The following HERC2 variants were observed in gnomAD, a reference collection of about 807,000 sequenced individuals.
HERC2 encodes the protein HECT and RLD domain containing E3 ubiquitin protein ligase 2.
In HERC2, 102 loss-of-function variants were observed where a neutral mutation model predicts 537.7. The observed-to-expected ratio is 0.19, with a 90% CI of 0.16 to 0.22. The LOEUF (loss-of-function observed/expected upper bound fraction) is 0.22. Ranked by LOEUF, HERC2 falls within the 10% of genes least tolerant of loss-of-function variation. The pLI, the probability that HERC2 is intolerant of heterozygous loss-of-function variation, is 1.00. For missense variants in HERC2, 4,236 were observed against 6,198.2 expected (o/e 0.68, Z 10.63); for synonymous variants, 2,224 against 2,466.2 (o/e 0.90, Z 2.91).
At position 28,218,540 on chromosome 15, in the gene HERC2, A is replaced by G. The variant is rs773784858; in HGVS notation, c.5977T>C (p.Leu1993=). 7 of 1,597,474 alleles carry G rather than the reference A, an allele frequency of 4.4e-6. No homozygotes were observed. The East Asian group carries it at 1.6e-4, about 36-fold the overall frequency. ...ACTAACATTCGCAGCAGTCCGCATA[A>G]AGTCTTGGTGGCTTCGCTCTGCATG... ...EIMQSEATKT[L]CGLLRMLVES... is the part of the protein sequence containing the mutation. The change falls in exon 38 of 93, where the codon TTA becomes CTA. Residue 1993 remains leucine (L), a synonymous_variant. Transcript: ENST00000261609.
At chr15:28,269,529 G>C (rs2075662253) in intron 10 of HERC2, 93 bp from the exon 11 acceptor site, 4 of 998,328 alleles carry the variant, frequency 4.0e-6, no homozygotes, top group South Asian at 3.3e-5. Context: ...TAAAAACAAA[G>C]CAAATAAAGA....
intron 2 of HERC2, among the ~76,000 whole-genome samples, 177 bp downstream of exon 2, chr15:28,321,185 G>C (rs2077218792): frequency 6.6e-6 from 1 of 152,078 alleles, no homozygotes; most frequent in Non-Finnish European, 1.5e-5. Context: ...AGCCGCGCAC[G>C]ATCTACAAAA....
intron 2 of HERC2, 73 bp from the exon 3 acceptor site, chr15:28,299,589 A>G (rs1408147305): frequency 2.6e-5 from 20 of 775,746 alleles, no homozygotes; most frequent in Non-Finnish European, 4.3e-5. Flanking sequence ...ATGATATGGG[A>G]AAAAAATCTC....
At chr15:28,224,991 G>A (rs533868076) in intron 35 of HERC2, among the ~76,000 whole-genome samples, 5 of 152,342 alleles carry the variant, frequency 3.3e-5, no homozygotes, top group Admixed American at 2.6e-4. Context: ...CCAAAAGCAG[G>A]GATGAAGGGG....
chr15:28,286,771 A>G (rs2076168803), intron 4 of HERC2, among the ~76,000 whole-genome samples: 1 of 152,162 alleles, frequency 6.6e-6, no homozygotes, highest in Admixed American at 6.5e-5. Flanking sequence ...ACAACACCCA[A>G]TGGCCAGCAA....
chr15:28,165,613 A>C (rs1334734929), intron 68 of HERC2, among the ~76,000 whole-genome samples: 1 of 151,760 alleles, frequency 6.6e-6, no homozygotes, highest in Non-Finnish European at 1.5e-5. Flanking sequence ...GCAACATGGC[A>C]AAACCTATCT....
chr15:28,177,299 T>A lies in HERC2; in HGVS notation c.9254+120A>T, dbSNP rs1895382478. 2 of 1,273,894 alleles carry A rather than the reference T, an allele frequency of 1.6e-6. No individual in the cohort carries two copies. Among genetic ancestry groups the A allele is most frequent in the South Asian group, 1.4e-5 (1 of 71,676 alleles). The allele number at this position is 1,273,894 out of a possible 1,614,324, so 78.9% of individuals were successfully genotyped here. On this transcript the variant is annotated intron_variant, in intron 60 of 92. Transcript: ENST00000261609. This position sits in a 1 kb window ranked among gnomAD's most constrained non-coding sequence, Gnocchi z 5.0. ...AACACAAACAACCGTGTTAAAAAAA[T>A]TTTGTTTAAGAACCATTTCTATAAT...
At chr15:28,263,302 T>G in intron 14 of HERC2, 133 bp from the exon 15 acceptor site, 1 of 952,660 alleles carries the variant, frequency 1.0e-6, no homozygotes, top group Non-Finnish European at 1.5e-6. Flanking sequence ...ACTACAAGGG[T>G]GGCTACTGAG....
At chr15:28,119,399 C>CAAAAAAA (rs201078187) in intron 86 of HERC2, among the ~76,000 whole-genome samples, 6 of 133,928 alleles carry the variant, frequency 4.5e-5, no homozygotes, top group African/African-American at 1.4e-4. Context: ...GACTCCCTCT[C>CAAAAAAA]AAAAAAAAAA....
chr15:28,283,237 C>G (rs1438137763), intron 4 of HERC2, among the ~76,000 whole-genome samples: 3 of 151,378 alleles, frequency 2.0e-5, no homozygotes, highest in African/African-American at 7.3e-5. Flanking sequence ...CAGGATGAAC[C>G]CAAAGAAATC....
At chr15:28,212,038 G>C (rs916799892) in intron 43 of HERC2, among the ~76,000 whole-genome samples, 1 of 152,208 alleles carries the variant, frequency 6.6e-6, no homozygotes, top group Non-Finnish European at 1.5e-5. Context: ...CATCCTGAAT[G>C]TCACAGGCAA....
Position 28,111,506 on chromosome 15 carries a change from A to T in HERC2, c.*257T>A, listed in dbSNP as rs1887641182. 1 of 499,036 alleles carries T rather than the reference A, an allele frequency of 2.0e-6. No individual in the cohort carries two copies. The highest frequency in any genetic ancestry group is 3.5e-6 in the Non-Finnish European group (1 of 284,458). 30.9% of individuals were successfully genotyped at this position (499,036 alleles called of 1,614,324 possible). A position where few individuals can be genotyped will look rare whatever the true frequency, so the allele number is the denominator to read the frequency against. ...ATATAAACATTTACACACTTTAGTA[A>T]ACACAGTCCTACATGTAATGCAGCA... is the stretch of plus-strand genomic sequence containing the variant. On this transcript the variant is annotated 3_prime_UTR_variant, in exon 93 of 93. Transcript: ENST00000261609.
Position 28,124,705 on chromosome 15 carries a change from G to A in HERC2, c.12990+301C>T, listed in dbSNP as rs562738648. 4.6e-5 allele frequency among the ~76,000 whole-genome samples: 7 copies of A among 152,296 alleles called. No homozygotes were observed. The South Asian group carries it at 1.4e-3, about 32-fold the overall frequency. On this transcript the variant is annotated intron_variant, in intron 84 of 92. Coordinates refer to ENST00000261609, the MANE Select transcript of HERC2 (RefSeq NM_004667.6). ...CTCCCAGGTAGCTGGGACTACAGGT[G>A]CATGCCACTATGCCTGACTAATTTT...
chr15:28,210,669 G>A (rs1297345323), intron 44 of HERC2, among the ~76,000 whole-genome samples: 2 of 151,868 alleles, frequency 1.3e-5, no homozygotes, highest in Non-Finnish European at 2.9e-5. Context: ...TTACAATACA[G>A]GCTCTATTTC....
rs1207147912 is a variant in HERC2, at chr15:28,167,547, G to A, written c.10554+140C>T. On this transcript the variant is annotated intron_variant, in intron 68 of 92. Transcript: ENST00000261609. ...CGTGTCCTGCGGCATTCCCACAAAC[G>A]CTTCGAAGATGCTAACAAGTGGACA... 1.8e-5 allele frequency: 17 copies of A among 947,930 alleles called. 1 individual carries two copies. The highest frequency in any genetic ancestry group is 1.5e-4 in the South Asian group (10 of 66,558). 58.7% of individuals were successfully genotyped at this position (947,930 alleles called of 1,614,324 possible).
chr15:28,157,030 G>A (rs1893082384), intron 69 of HERC2, among the ~76,000 whole-genome samples: 1 of 152,316 alleles, frequency 6.6e-6, no homozygotes, highest in Middle Eastern at 3.4e-3. Context: ...CTTTGGTTCT[G>A]TTTATATGCT....
intron 56 of HERC2, 84 bp from the exon 57 acceptor site, chr15:28,182,596 C>T: frequency 1.9e-6 from 2 of 1,040,914 alleles, no homozygotes; most frequent in Non-Finnish European, 2.8e-6. Flanking sequence ...AAAGCAACCT[C>T]AAGCACTCAA....
intron 69 of HERC2, among the ~76,000 whole-genome samples, chr15:28,154,609 T>C (rs1203935167): frequency 1.3e-5 from 2 of 152,026 alleles, no homozygotes; most frequent in African/African-American, 4.8e-5. Context: ...ACACTCAGGG[T>C]TCCAACCCAT....
At chr15:28,285,013 C>T (rs1022438245) in intron 4 of HERC2, among the ~76,000 whole-genome samples, 1 of 147,342 alleles carries the variant, frequency 6.8e-6, no homozygotes, top group Admixed American at 6.8e-5. Context: ...ACCATTAAGA[C>T]GCAGCAATTC....
Sources: allele counts gnomAD v4.1 joint callset (sites outside exome capture counted in the v4.1 genomes callset), GRCh38; gene constraint gnomAD v4.1.1; non-coding constraint Gnocchi (gnomAD v3.1); transcripts MANE v1.5; gene names NCBI Gene and HGNC (gene_info 2026-07-23, HGNC 2026-07-21).